CGNL1: variants seen among roughly 807,000 people sequenced by gnomAD.
CGNL1 encodes cingulin like 1, also known as cingulin-like protein 1.
A neutral mutation model predicts 141.2 loss-of-function variants in CGNL1; 132 were observed. The observed-to-expected ratio is 0.93, with a 90% CI of 0.81 to 1.08. The LOEUF is 1.08. Among genes scored for constraint, CGNL1 ranks in the 50% least tolerant of loss-of-function variants. The probability of loss-of-function intolerance (pLI) is 0.00; values close to 1 mark genes in which losing one functional copy is unlikely to be tolerated. For synonymous variants in CGNL1, 690 were observed against 622.1 expected, an observed-to-expected ratio of 1.11 and a Z score of -1.63; for missense variants, 1,870 against 1,588.6, an observed-to-expected ratio of 1.18 and a Z score of -3.01.
At chr15:57,451,403 T>C (rs2063319993) in intron 4 of CGNL1, 97 bp from the exon 5 acceptor site, 1 of 823,430 alleles carries the variant, frequency 1.2e-6, no homozygotes, top group East Asian at 2.6e-5. Flanking sequence ...GTGTTATGCC[T>C]CATCTGTTAC....
At chr15:57,393,058 T>C (rs1346286827) in intron 1 of CGNL1, among the ~76,000 whole-genome samples, 1 of 152,184 alleles carries the variant, frequency 6.6e-6, no homozygotes, top group Admixed American at 6.5e-5. Context: ...AAATGGGTAT[T>C]GAAGGCCTTT....
At chr15:57,393,369 A>AG (rs1324285952) in intron 1 of CGNL1, among the ~76,000 whole-genome samples, 5 of 152,292 alleles carry the variant, frequency 3.3e-5, no homozygotes, top group Admixed American at 2.6e-4. Flanking sequence ...TTGGAGGAAA[A>AG]TGTAAAAGCT....
intron 1 of CGNL1, among the ~76,000 whole-genome samples, chr15:57,387,271 G>A (rs1041980675): frequency 9.2e-5 from 14 of 152,208 alleles, no homozygotes; most frequent in Non-Finnish European, 2.1e-4. Context: ...ACATGCACCA[G>A]CACTTCACCA....
At chr15:57,486,345 A>G (rs1159066306) in intron 8 of CGNL1, among the ~76,000 whole-genome samples, 1 of 152,184 alleles carries the variant, frequency 6.6e-6, no homozygotes, top group Admixed American at 6.5e-5. Context: ...CACTGCAAAG[A>G]GTCAGGGAAG....
At chr15:57,381,993 CCTT>C (rs1185475144) in intron 1 of CGNL1, among the ~76,000 whole-genome samples, 2 of 152,162 alleles carry the variant, frequency 1.3e-5, no homozygotes, top group Admixed American at 6.5e-5. Flanking sequence ...TGATTTCCAC[CCTT>C]CTTCAAGTTC....
chr15:57,426,747 C>G (rs1339284276), intron 1 of CGNL1, among the ~76,000 whole-genome samples: 1 of 151,828 alleles, frequency 6.6e-6, no homozygotes, highest in East Asian at 1.9e-4. Context: ...GGATGAGATA[C>G]AGCTACTGGC....
chr15:57,458,919 G>A (rs2063412569), intron 7 of CGNL1, among the ~76,000 whole-genome samples: 1 of 152,176 alleles, frequency 6.6e-6, no homozygotes, highest in Non-Finnish European at 1.5e-5. Context: ...TTCTTGATGG[G>A]CAAAATCTTA....
At chr15:57,486,348 C>T (rs1295821371) in intron 8 of CGNL1, among the ~76,000 whole-genome samples, 7 of 151,924 alleles carry the variant, frequency 4.6e-5, no homozygotes, top group African/African-American at 1.5e-4. Context: ...TGCAAAGAGT[C>T]AGGGAAGAGG....
intron 8 of CGNL1, among the ~76,000 whole-genome samples, chr15:57,501,186 G>C (rs1158573742): frequency 8.5e-5 from 13 of 152,176 alleles, no homozygotes; most frequent in Non-Finnish European, 1.9e-4. Flanking sequence ...CTCCTGGTGT[G>C]GTTTTCAGCC....
chr15:57,463,816 T>A (rs2152335457), intron 8 of CGNL1, among the ~76,000 whole-genome samples: 1 of 152,366 alleles, frequency 6.6e-6, no homozygotes, highest in Middle Eastern at 3.4e-3. Flanking sequence ...AGTGACTTGC[T>A]CCTGCTTTGC....
At chr15:57,465,457 C>T (rs2063499945) in intron 8 of CGNL1, among the ~76,000 whole-genome samples, 1 of 130,190 alleles carries the variant, frequency 7.7e-6, no homozygotes, top group Admixed American at 8.9e-5. Flanking sequence ...GTAAAATGAT[C>T]TCGTCTCATT....
chr15:57,440,729 A>G (rs971499865), intron 3 of CGNL1, among the ~76,000 whole-genome samples: 1 of 152,150 alleles, frequency 6.6e-6, no homozygotes, highest in Admixed American at 6.6e-5. Context: ...ACCCTTTACT[A>G]TTTCAAAAGC....
intron 9 of CGNL1, 97 bp from the exon 10 acceptor site, chr15:57,518,296 A>G (rs2030986225): frequency 1.1e-6 from 1 of 872,596 alleles, no homozygotes; most frequent in Non-Finnish European, 1.8e-6. Flanking sequence ...CCACTGCCAT[A>G]TCTATGGGTG....
intron 14 of CGNL1, among the ~76,000 whole-genome samples, chr15:57,532,735 C>T (rs1486272214): frequency 6.6e-6 from 1 of 152,244 alleles, no homozygotes; most frequent in Non-Finnish European, 1.5e-5. Flanking sequence ...AGCCTACTTT[C>T]TGTTGCACCT....
At chr15:57,543,144 C>G (rs1307218673) in intron 14 of CGNL1, among the ~76,000 whole-genome samples, 2 of 152,154 alleles carry the variant, frequency 1.3e-5, no homozygotes, top group Admixed American at 1.3e-4. Context: ...GATTCCTTGC[C>G]TCCTCCTAGC....
intron 1 of CGNL1, among the ~76,000 whole-genome samples, chr15:57,383,525 C>A (rs1447234646): frequency 6.6e-6 from 1 of 151,984 alleles, no homozygotes. Flanking sequence ...GTCTCTATCT[C>A]CTGACCTCGT....
chr15:57,470,521 A>T (rs2063568981), intron 8 of CGNL1, among the ~76,000 whole-genome samples: 1 of 152,010 alleles, frequency 6.6e-6, no homozygotes, highest in South Asian at 2.1e-4. Context: ...TCCATGAGGG[A>T]TAAACAGAGC....
At chr15:57,423,650 C>T (rs34938784) in intron 1 of CGNL1, among the ~76,000 whole-genome samples, 29,775 of 152,114 alleles carry the variant, frequency 0.2, 3,162 homozygotes, top group Middle Eastern at 0.26. Flanking sequence ...TACCTGACCC[C>T]TCCTTCCTTC....
chr15:57,399,576 A>G (rs1282629174), intron 1 of CGNL1, among the ~76,000 whole-genome samples: 2 of 147,942 alleles, frequency 1.4e-5, no homozygotes, highest in African/African-American at 2.5e-5. Flanking sequence ...AAAATTCTGT[A>G]TGCGGAAAAT....
Sources: allele counts gnomAD v4.1 joint callset (sites outside exome capture counted in the v4.1 genomes callset), GRCh38; gene constraint gnomAD v4.1.1; transcripts MANE v1.5; gene names NCBI Gene and HGNC (gene_info 2026-07-23, HGNC 2026-07-21).